Variants in FER observed in about 807,000 individuals in gnomAD.
FER encodes the protein tyrosine-protein kinase Fer.
A neutral mutation model predicts 111.0 loss-of-function variants in FER; 63 were observed. The ratio of observed to expected loss-of-function variants is 0.57; its 90% confidence interval spans 0.46 to 0.70. The LOEUF is 0.70. Ranked by LOEUF, FER falls within the 30% of genes least tolerant of loss-of-function variation. The pLI is 0.00. For synonymous variants in FER, 327 were observed against 313.9 expected, an observed-to-expected ratio of 1.04 and a Z score of -0.44; for missense variants, 914 against 954.0, an observed-to-expected ratio of 0.96 and a Z score of 0.55.
At chr5:109,104,529 A>T (rs1473418948) in intron 17 of FER, among the ~76,000 whole-genome samples, 1 of 152,140 alleles carries the variant, frequency 6.6e-6, no homozygotes, top group African/African-American at 2.4e-5. Flanking sequence ...GACTTGGTGG[A>T]TGGGTGTGTC....
intron 5 of FER, among the ~76,000 whole-genome samples, chr5:108,859,097 C>G (rs1054735585): frequency 6.6e-6 from 1 of 152,030 alleles, no homozygotes; most frequent in Non-Finnish European, 1.5e-5. Flanking sequence ...AGGATTATAC[C>G]AATTTGCATT....
intron 17 of FER, among the ~76,000 whole-genome samples, chr5:109,119,007 C>T (rs1421118399): frequency 6.7e-6 from 1 of 149,674 alleles, no homozygotes; most frequent in Non-Finnish European, 1.5e-5. Context: ...TCTCTATCTC[C>T]TTCAGTTCTG....
chr5:108,923,650 A>G (rs1753336433), intron 10 of FER, among the ~76,000 whole-genome samples: 1 of 152,226 alleles, frequency 6.6e-6, no homozygotes, highest in Non-Finnish European at 1.5e-5. Context: ...TAGGTTATCA[A>G]AAGTGGAGCC....
intron 17 of FER, among the ~76,000 whole-genome samples, chr5:109,156,461 A>G (rs1262336413): frequency 2.0e-5 from 3 of 152,022 alleles, no homozygotes; most frequent in Non-Finnish European, 4.4e-5. Context: ...AACTAGAGCT[A>G]TCTGGAGGCA....
Position 108,787,148 on chromosome 5 carries a change from C to A in FER, c.-59-10976C>A, listed in dbSNP as rs145507690. Among the ~76,000 whole-genome samples the A allele has an allele frequency of 2.5e-3, 380 of 152,308 alleles. 1 individual carries two copies. Among genetic ancestry groups the A allele is most frequent in the Non-Finnish European group, 3.8e-3 (261 of 68,028 alleles). ...GTAGGCTTGAAAGTGCCTGCTCTCA[C>A]CCCCTGGCCTCTCCCTGCTTCTGGC... is the stretch of plus-strand genomic sequence containing the variant. On this transcript the variant is annotated intron_variant, in intron 2 of 19. Coordinates refer to ENST00000281092, the MANE Select transcript of FER (RefSeq NM_005246.4).
At chr5:109,041,778 T>A (rs905762432) in intron 14 of FER, among the ~76,000 whole-genome samples, 1 of 152,016 alleles carries the variant, frequency 6.6e-6, no homozygotes, top group African/African-American at 2.4e-5. Flanking sequence ...TGAGGAATAG[T>A]GGGTAATATA....
rs1379086683 is a variant in FER at position 109,048,778 on chromosome 5, A to G, written c.1924+1580A>G. Among the ~76,000 whole-genome samples, 4 of 152,228 alleles carry G rather than the reference A, an allele frequency of 2.6e-5. No individual in the cohort carries two copies. The East Asian group carries it at 7.7e-4, about 29-fold the overall frequency. On this transcript the variant is annotated intron_variant, in intron 16 of 19. Coordinates refer to ENST00000281092, the MANE Select transcript of FER (RefSeq NM_005246.4). The stretch of plus-strand genomic sequence containing the variant: ...AAATTTTTTTCCAGAAAAATGTTTA[A>G]TGCAGATGCTTTAAATTTAATTATG...
chr5:108,838,054 C>T (rs1760853708), intron 5 of FER, among the ~76,000 whole-genome samples: 1 of 151,890 alleles, frequency 6.6e-6, no homozygotes, highest in Non-Finnish European at 1.5e-5. Context: ...GTAAACTTTT[C>T]TTTTATAATC....
Position 109,190,761 on chromosome 5 carries a change from T to C in FER, c.*3186T>C, listed in dbSNP as rs1316548791. On this transcript the variant is annotated 3_prime_UTR_variant, in exon 20 of 20. Transcript: ENST00000281092. ...TTTCTCTTTTATCTCCCAAATTTAA[T>C]GTGGGCAATAAAATTCTCCTTTCGT... is the stretch of plus-strand genomic sequence containing the variant. The C allele has an allele frequency of 6.6e-6, 1 of 152,218 alleles. No individual in the cohort carries two copies. The allele number at this position is 152,218 out of a possible 1,614,324, so 9.4% of individuals were successfully genotyped here.
rs80235298 is a variant in FER at position 109,079,726 on chromosome 5, A to T, written c.1925-20670A>T. ...GAAAGGTTATGGTTACCTCAAAGAA[A>T]TCTGTTCAGCACAGAAAATATCACA... is the stretch of plus-strand genomic sequence containing the variant. On this transcript the variant is annotated intron_variant, in intron 16 of 19. Transcript: ENST00000281092. Among the ~76,000 whole-genome samples the T allele has an allele frequency of 8.6e-3, 1,305 of 152,180 alleles. 9 individuals are homozygous for T. Among genetic ancestry groups the T allele is most frequent in the Non-Finnish European group, 0.013 (866 of 67,998 alleles).
At chr5:108,967,963 T>C (rs552375781) in intron 13 of FER, among the ~76,000 whole-genome samples, 1 of 152,294 alleles carries the variant, frequency 6.6e-6, no homozygotes, top group Admixed American at 6.5e-5. Flanking sequence ...CCTGCCCCTA[T>C]CTGCCTAGGC....
chr5:108,893,404 T>C (rs557272505), intron 9 of FER, among the ~76,000 whole-genome samples: 128 of 152,232 alleles, frequency 8.4e-4, no homozygotes, highest in Non-Finnish European at 1.6e-3. Context: ...CTCAAAGGTT[T>C]TCTTCTTTAT....
intron 17 of FER, among the ~76,000 whole-genome samples, chr5:109,171,928 A>G (rs1757133269): frequency 6.6e-6 from 1 of 152,220 alleles, no homozygotes; most frequent in Non-Finnish European, 1.5e-5. Flanking sequence ...TCAAAACCAC[A>G]GTGAGATACC....
chr5:109,110,051 C>G (rs1285994633), intron 17 of FER, among the ~76,000 whole-genome samples: 1 of 152,084 alleles, frequency 6.6e-6, no homozygotes, highest in Non-Finnish European at 1.5e-5. Flanking sequence ...CACTGTATCT[C>G]TGACTCCACT....
chr5:108,850,928 T>C (rs1020554627), intron 5 of FER, among the ~76,000 whole-genome samples: 24 of 152,344 alleles, frequency 1.6e-4, no homozygotes, highest in African/African-American at 4.8e-4. Flanking sequence ...TTGGTTTTGC[T>C]TCTTCCTATG....
intron 17 of FER, among the ~76,000 whole-genome samples, chr5:109,130,027 T>A (rs1752191325): frequency 6.6e-6 from 1 of 151,396 alleles, no homozygotes; most frequent in Non-Finnish European, 1.5e-5. Context: ...CATGAATAGT[T>A]TAGAAGGACA....
intron 10 of FER, among the ~76,000 whole-genome samples, chr5:108,926,675 C>A (rs1753783204): frequency 6.6e-6 from 1 of 152,128 alleles, no homozygotes; most frequent in Admixed American, 6.5e-5. Flanking sequence ...CTTTTAAGTA[C>A]TTTTCATTGT....
intron 17 of FER, among the ~76,000 whole-genome samples, chr5:109,126,747 A>G (rs1441540357): frequency 6.6e-6 from 1 of 152,226 alleles, no homozygotes; most frequent in African/African-American, 2.4e-5. Flanking sequence ...CTTAGGCAAG[A>G]GAGGCAGATA....
intron 5 of FER, among the ~76,000 whole-genome samples, chr5:108,849,275 C>A (rs993422955): frequency 6.6e-6 from 1 of 152,084 alleles, no homozygotes; most frequent in African/African-American, 2.4e-5. Flanking sequence ...TTCAGAGACT[C>A]CAGTTACACA....
Sources: gnomAD v4.1 joint callset for allele counts (sites outside exome capture counted in the v4.1 genomes callset) on GRCh38, gnomAD v4.1.1 for gene constraint, MANE v1.5 for transcripts, NCBI Gene and HGNC (gene_info 2026-07-23, HGNC 2026-07-21) for gene names.